DRC9: variants seen among roughly 807,000 people sequenced by gnomAD.
DRC9 encodes dynein regulatory complex subunit 9.
the DRC9 span, among the ~76,000 whole-genome samples, chr3:197,890,120 T>C: frequency 6.6e-6 from 1 of 152,074 alleles, no homozygotes; most frequent in Non-Finnish European, 1.5e-5. Flanking sequence ...TAATGCCAGG[T>C]GCGGTGGCTC....
the DRC9 span, chr3:197,913,260 TC>T: frequency 5.4e-6 from 1 of 186,554 alleles, no homozygotes; most frequent in Admixed American, 5.4e-5. Context: ...GGCTTCAAAC[TC>T]AAGGATCCTC....
At chr3:197,931,020 G>C in the DRC9 span, among the ~76,000 whole-genome samples, 1 of 150,346 alleles carries the variant, frequency 6.7e-6, no homozygotes, top group Non-Finnish European at 1.5e-5. Context: ...GTGACAGAGC[G>C]AGACTCCATC....
At chr3:197,943,811 G>C in the DRC9 span, 12 of 1,614,068 alleles carry the variant, frequency 7.4e-6, no homozygotes, top group South Asian at 1.2e-4. Context: ...CGTACTGAAC[G>C]GGCATGATGT....
At chr3:197,940,843 A>G in the DRC9 span, among the ~76,000 whole-genome samples, 39 of 152,216 alleles carry the variant, frequency 2.6e-4, no homozygotes, top group Non-Finnish European at 5.3e-4. Context: ...CTATAATTAT[A>G]CATATTATAT....
At chr3:197,937,112 G>C in the DRC9 span, among the ~76,000 whole-genome samples, 2 of 152,162 alleles carry the variant, frequency 1.3e-5, no homozygotes, top group Non-Finnish European at 2.9e-5. Context: ...TTCCAATAAA[G>C]CTTTTCAAAA....
At chr3:197,898,265 A>T in the DRC9 span, among the ~76,000 whole-genome samples, 14 of 152,264 alleles carry the variant, frequency 9.2e-5, no homozygotes, top group South Asian at 2.1e-4. Flanking sequence ...ATAACAAATT[A>T]TAAACTAAAA....
chr3:197,910,292 C>A, the DRC9 span, among the ~76,000 whole-genome samples: 4 of 151,922 alleles, frequency 2.6e-5, no homozygotes, highest in Non-Finnish European at 4.4e-5. Context: ...AGAGAGAGAC[C>A]CTGTCCCTAA....
the DRC9 span, among the ~76,000 whole-genome samples, chr3:197,954,607 TC>T: frequency 6.6e-6 from 1 of 152,198 alleles, no homozygotes; most frequent in Non-Finnish European, 1.5e-5. Flanking sequence ...CCTCCAAAGT[TC>T]ATGTGATTCT....
At chr3:197,905,571 C>A in the DRC9 span, among the ~76,000 whole-genome samples, 1 of 151,774 alleles carries the variant, frequency 6.6e-6, no homozygotes, top group African/African-American at 2.4e-5. Flanking sequence ...ACATAAGAAA[C>A]CCTGTCTCCA....
At chr3:197,927,424 C>T in the DRC9 span, among the ~76,000 whole-genome samples, 6 of 152,176 alleles carry the variant, frequency 3.9e-5, no homozygotes, top group Non-Finnish European at 5.9e-5. Flanking sequence ...TGGGTTTTTA[C>T]CATGTTGGCC....
chr3:197,917,288 G>T, the DRC9 span, among the ~76,000 whole-genome samples: 1 of 152,200 alleles, frequency 6.6e-6, no homozygotes, highest in Non-Finnish European at 1.5e-5. Flanking sequence ...TTGCACTTTA[G>T]CCTGGGCAAC....
At chr3:197,921,370 C>T in the DRC9 span, among the ~76,000 whole-genome samples, 36 of 42,448 alleles carry the variant, frequency 8.5e-4, no homozygotes, top group Admixed American at 1.3e-3. Context: ...TCAGTAACTC[C>T]GGGGATTTAA....
the DRC9 span, among the ~76,000 whole-genome samples, chr3:197,931,626 G>C: frequency 6.8e-6 from 1 of 146,576 alleles, no homozygotes; most frequent in South Asian, 2.1e-4. Context: ...TTTTTTTTTT[G>C]AGATGGAGTC....
chr3:197,924,387 A>G, the DRC9 span, among the ~76,000 whole-genome samples: 2 of 152,200 alleles, frequency 1.3e-5, no homozygotes, highest in African/African-American at 4.8e-5. Context: ...AAAAATAAAA[A>G]TAAAAATGAA....
the DRC9 span, among the ~76,000 whole-genome samples, chr3:197,930,952 T>G: frequency 6.6e-6 from 1 of 150,934 alleles, no homozygotes; most frequent in South Asian, 2.1e-4. Flanking sequence ...GAGAATCACT[T>G]GAACCCGGGA....
chr3:197,913,103 C>T, the DRC9 span: 2 of 211,840 alleles, frequency 9.4e-6, no homozygotes, highest in Non-Finnish European at 1.9e-5. Flanking sequence ...AGTCTCAGAG[C>T]GAGGAGTCCT....
chr3:197,911,170 A>G, the DRC9 span, among the ~76,000 whole-genome samples: 1 of 152,184 alleles, frequency 6.6e-6, no homozygotes, highest in African/African-American at 2.4e-5. Flanking sequence ...TCACCTGTTA[A>G]TAAGCAAAAA....
chr3:197,901,626 A>G, the DRC9 span, among the ~76,000 whole-genome samples: 1 of 152,236 alleles, frequency 6.6e-6, no homozygotes, highest in East Asian at 1.9e-4. The surrounding 1 kb of genome is among the most constrained non-coding windows in gnomAD (Gnocchi z 4.4). Context: ...AGTGGCCATG[A>G]GCAGCGGCTC....
chr3:197,938,495 G>T, the DRC9 span: 1 of 1,381,428 alleles, frequency 7.2e-7, no homozygotes, highest in Non-Finnish European at 1.0e-6. Flanking sequence ...GCGCCCCTTC[G>T]CTCATCTATG....
Sources: allele counts gnomAD v4.1 joint callset (sites outside exome capture counted in the v4.1 genomes callset), GRCh38; gene constraint gnomAD v4.1.1; non-coding constraint Gnocchi (gnomAD v3.1); transcripts MANE v1.5; gene names NCBI Gene and HGNC (gene_info 2026-07-23, HGNC 2026-07-21).